Variants in TPST2 observed in about 807,000 individuals in gnomAD.
TPST2 encodes protein-tyrosine sulfotransferase 2.
Under a neutral mutation model 27.8 loss-of-function variants are expected in TPST2, and 16 were observed. That is an observed-to-expected ratio of 0.58 (90% CI 0.39 to 0.88). The LOEUF is 0.88. Among genes scored for constraint, TPST2 ranks in the 40% least tolerant of loss-of-function variants. The pLI, the probability that TPST2 is intolerant of heterozygous loss-of-function variation, is 0.00. For synonymous variants in TPST2, 229 were observed against 231.7 expected, an observed-to-expected ratio of 0.99 and a Z score of 0.10; for missense variants, 464 against 543.1, an observed-to-expected ratio of 0.85 and a Z score of 1.45.
At chr22:26,529,986 C>T (rs1476406202) in intron 5 of TPST2, among the ~76,000 whole-genome samples, 4 of 152,114 alleles carry the variant, frequency 2.6e-5, no homozygotes, top group Non-Finnish European at 4.4e-5. Context: ...CTTTTGCTGA[C>T]GTCAAGAAAG....
In TPST2 at chr22:26,532,755, A is replaced by C; in HGVS notation, c.1042-10T>G. The C allele has an allele frequency of 6.2e-7, 1 of 1,611,830 alleles. No individual in the cohort carries two copies. The highest frequency in any genetic ancestry group is 1.3e-5 in the African/African-American group (1 of 74,908). On this transcript the variant is annotated splice_polypyrimidine_tract_variant and intron_variant, in intron 4 of 6. Transcript: ENST00000338754. ...AGTCCCCTTTCAAGACCTAAGGAAG[A>C]GAAAAAGAAATATCACTATTATGAA...
chr22:26,532,030 G>A (rs1602251424), intron 5 of TPST2, among the ~76,000 whole-genome samples: 1 of 152,122 alleles, frequency 6.6e-6, no homozygotes, highest in Non-Finnish European at 1.5e-5. Flanking sequence ...GCTTCTTGAG[G>A]GGCTGAGGTG....
chr22:26,564,949 C>T (rs761340776), intron 1 of TPST2, among the ~76,000 whole-genome samples: 3 of 152,152 alleles, frequency 2.0e-5, no homozygotes, highest in Admixed American at 6.5e-5. Context: ...GAAATGAGGA[C>T]GTAACACACA....
chr22:26,589,038 C>T (rs1836044448), intron 1 of TPST2, among the ~76,000 whole-genome samples: 1 of 152,056 alleles, frequency 6.6e-6, no homozygotes, highest in South Asian at 2.1e-4. Flanking sequence ...CTTGAGGGGG[C>T]TTCTGTAGGA....
intron 1 of TPST2, among the ~76,000 whole-genome samples, chr22:26,547,300 A>G (rs1926179289): frequency 6.6e-6 from 1 of 151,926 alleles, no homozygotes; most frequent in South Asian, 2.1e-4. Context: ...GAGTCCCGCT[A>G]TGTTGCCCAG....
intron 2 of TPST2, among the ~76,000 whole-genome samples, chr22:26,542,685 T>C (rs1925929182): frequency 6.6e-6 from 1 of 151,716 alleles, no homozygotes; most frequent in Non-Finnish European, 1.5e-5. Flanking sequence ...CAGTGGTGGG[T>C]AGGAAACAGG....
chr22:26,540,969 A>C lies in TPST2; in HGVS notation c.662T>G (p.Met221Arg), dbSNP rs1925769256. 1 of 1,614,074 alleles carries C rather than the reference A, an allele frequency of 6.2e-7. No individual in the cohort carries two copies. The highest frequency in any genetic ancestry group is 8.5e-7 in the Non-Finnish European group (1 of 1,180,038). Reference protein sequence around the residue: ...LTKWNKAIEVMYAQCMEVGKE... With the variant: ...LTKWNKAIEVRYAQCMEVGKE... The stretch of plus-strand genomic sequence containing the variant: ...GCCTACCTCCATGCACTGGGCGTAC[A>C]TCACCTCGATGGCCTTGTTCCACTT... Residue 221 changes from methionine (M) to arginine (R), a missense_variant, in exon 3 of 7, where the codon ATG (methionine) becomes AGG (arginine). By Grantham distance (91) the Met-to-Arg change is moderately conservative. Coordinates refer to ENST00000338754, the MANE Select transcript of TPST2 (RefSeq NM_003595.5).
intron 6 of TPST2, 111 bp from the exon 7 acceptor site, chr22:26,526,378 T>C (rs923293853): frequency 2.0e-5 from 3 of 152,264 alleles, no homozygotes; most frequent in African/African-American, 7.2e-5. Context: ...CGCATAAGCA[T>C]GTAATGTTTT....
rs751861685 is a variant in TPST2 at position 26,536,405 on chromosome 22, A to C, written c.924T>G (p.Asp308Glu). 9 of 1,593,008 alleles carry C rather than the reference A, an allele frequency of 5.6e-6. No individual in the cohort carries two copies. The highest frequency in any genetic ancestry group is 7.7e-6 in the Non-Finnish European group (9 of 1,166,882). The part of the protein sequence containing the change: ...LSKWTGHIPG[D>E]VVRDMAQIAP... ...CGATCTGGGCCATGTCCCGCACCAC[A>C]TCCCCAGGGATGTGGCCAGTCCACT... Residue 308 changes from aspartate to glutamate, a missense_variant, in exon 4 of 7, where the codon GAT becomes GAG. Asp to Glu is a conservative substitution (Grantham distance 45). Coordinates refer to ENST00000338754, the MANE Select transcript of TPST2 (RefSeq NM_003595.5).
At chr22:26,531,787 G>C (rs544348601) in intron 5 of TPST2, among the ~76,000 whole-genome samples, 1 of 152,162 alleles carries the variant, frequency 6.6e-6, no homozygotes, top group Non-Finnish European at 1.5e-5. Flanking sequence ...AATGGGGTGC[G>C]CAGGCTATCC....
At chr22:26,574,488 T>C (rs1173354561) in intron 1 of TPST2, among the ~76,000 whole-genome samples, 2 of 152,140 alleles carry the variant, frequency 1.3e-5, no homozygotes, top group Non-Finnish European at 2.9e-5. Flanking sequence ...CACGGGTCAC[T>C]GTGAGGTTCC....
At chr22:26,585,257 G>C (rs920002214) in intron 1 of TPST2, among the ~76,000 whole-genome samples, 5 of 152,278 alleles carry the variant, frequency 3.3e-5, no homozygotes, top group Admixed American at 6.5e-5. Context: ...AAAGTCACTC[G>C]GCAGACGGGC....
intron 1 of TPST2, among the ~76,000 whole-genome samples, chr22:26,552,521 C>T (rs6005079): frequency 0.38 from 58,420 of 151,832 alleles, 12,078 homozygotes; most frequent in African/African-American, 0.53. Context: ...CCCCAACTTT[C>T]GACGACCCTG....
chr22:26,535,051 AG>A (rs1925374190), intron 4 of TPST2, among the ~76,000 whole-genome samples: 1 of 152,198 alleles, frequency 6.6e-6, no homozygotes, highest in African/African-American at 2.4e-5. Flanking sequence ...TTCAATTACA[AG>A]GGCACAGCCC....
At chr22:26,573,045 C>T (rs940340145) in intron 1 of TPST2, among the ~76,000 whole-genome samples, 1 of 152,144 alleles carries the variant, frequency 6.6e-6, no homozygotes, top group African/African-American at 2.4e-5. Context: ...GCTAAATACA[C>T]ATAAGGGCTT....
At chr22:26,583,343 A>G (rs1404332973) in intron 1 of TPST2, among the ~76,000 whole-genome samples, 2 of 148,066 alleles carry the variant, frequency 1.4e-5, no homozygotes, top group Admixed American at 1.4e-4. Context: ...AGGCTGAGGC[A>G]GGAGAATCAC....
chr22:26,571,601 A>G (rs1171032031), intron 1 of TPST2, among the ~76,000 whole-genome samples: 1 of 152,040 alleles, frequency 6.6e-6, no homozygotes, highest in Admixed American at 6.6e-5. Context: ...CCTTCTCCTA[A>G]GGCCACAGAA....
chr22:26,544,229 A>G (rs2032519), intron 2 of TPST2, among the ~76,000 whole-genome samples: 151,928 of 152,312 alleles, frequency 1, 75,774 homozygotes, highest in Middle Eastern at 1. Flanking sequence ...CCTGTGGGGT[A>G]CTGAGAAAGC....
In TPST2 at chr22:26,579,598, G is replaced by A. The variant is rs561858880; in HGVS notation, c.-161+10455C>T. On this transcript the variant is annotated intron_variant, in intron 1 of 6. Coordinates refer to ENST00000338754, the MANE Select transcript of TPST2 (RefSeq NM_003595.5). ...CAAAGGTTTCTGGCTGAGCCCCCGG[G>A]CTCTGCAAGGGTCCGGATGGTTCTG... Among the ~76,000 whole-genome samples, 27 of 152,378 alleles carry A rather than the reference G, an allele frequency of 1.8e-4. 1 individual carries two copies. The South Asian group carries it at 5.4e-3, about 30-fold the overall frequency.
Sources: allele counts gnomAD v4.1 joint callset (sites outside exome capture counted in the v4.1 genomes callset), GRCh38; gene constraint gnomAD v4.1.1; transcripts MANE v1.5; gene names NCBI Gene and HGNC (gene_info 2026-07-23, HGNC 2026-07-21).